The following ST8SIA2 variants were observed in gnomAD, a reference collection of about 807,000 sequenced individuals.
ST8SIA2 encodes ST8 alpha-N-acetyl-neuraminide alpha-2,8-sialyltransferase 2, also known as alpha-2,8-sialyltransferase 8B.
A neutral mutation model predicts 37.6 loss-of-function variants in ST8SIA2; 22 were observed. The ratio of observed to expected loss-of-function variants is 0.58; its 90% confidence interval spans 0.42 to 0.83. The LOEUF (loss-of-function observed/expected upper bound fraction) is 0.83, where lower values mean the gene tolerates loss of function less well. ST8SIA2 is among the 40% of genes least tolerant of loss of function. The pLI, the probability that ST8SIA2 is intolerant of heterozygous loss-of-function variation, is 0.00. For missense variants in ST8SIA2, 382 were observed against 484.7 expected, an observed-to-expected ratio of 0.79 and a Z score of 1.99; for synonymous variants, 205 against 201.2, an observed-to-expected ratio of 1.02 and a Z score of -0.16.
chr15:92,445,896 G>A (rs2049839031), intron 5 of ST8SIA2, among the ~76,000 whole-genome samples: 1 of 152,126 alleles, frequency 6.6e-6, no homozygotes, highest in African/African-American at 2.4e-5. Flanking sequence ...CCATTCATGT[G>A]ACCTGGCATA....
intron 5 of ST8SIA2, among the ~76,000 whole-genome samples, chr15:92,452,646 G>T (rs549453567): frequency 6.6e-6 from 1 of 152,336 alleles, no homozygotes; most frequent in Admixed American, 6.5e-5. Flanking sequence ...CTGTTCTGAT[G>T]TTCCTTTGTG....
In ST8SIA2 at chr15:92,440,051, A is replaced by G. The variant is rs113626653; in HGVS notation, c.548+1441A>G. On this transcript the variant is annotated intron_variant, in intron 4 of 5. Coordinates refer to ENST00000268164, the MANE Select transcript of ST8SIA2 (RefSeq NM_006011.4). ...ACAGTGAGCTTTACACATCCCATGA[A>G]GTCCTGACCCAGGAATTTTGAGAGG... Among the ~76,000 whole-genome samples the G allele has an allele frequency of 5.0e-3, 766 of 152,294 alleles. 6 individuals carry two copies. Among genetic ancestry groups the G allele is most frequent in the African/African-American group, 0.017 (726 of 41,552 alleles).
chr15:92,445,790 A>C (rs1222370444), intron 5 of ST8SIA2, among the ~76,000 whole-genome samples: 2 of 152,192 alleles, frequency 1.3e-5, no homozygotes. Flanking sequence ...GAGGGTCTGA[A>C]CTATTCCTAT....
intron 1 of ST8SIA2, among the ~76,000 whole-genome samples, chr15:92,407,980 C>T (rs1172740590): frequency 6.6e-6 from 1 of 152,102 alleles, no homozygotes; most frequent in Non-Finnish European, 1.5e-5. Context: ...CAATGACATC[C>T]CAGCCTTTCT....
chr15:92,449,712 TATC>T (rs2049868463), intron 5 of ST8SIA2, among the ~76,000 whole-genome samples: 1 of 152,246 alleles, frequency 6.6e-6, no homozygotes, highest in Non-Finnish European at 1.5e-5. Context: ...TATAAGATGG[TATC>T]TCGTTGTGGT....
chr15:92,460,761 CCCACCTATCTGTT>C lies in ST8SIA2; in HGVS notation c.843-3338_843-3326del, dbSNP rs2049951670. On this transcript the variant is annotated intron_variant, in intron 5 of 5. Coordinates refer to ENST00000268164, the MANE Select transcript of ST8SIA2 (RefSeq NM_006011.4). ...ATTAGACCAACCACATTCCTAGCCA[CCCACCTATCTGTT>C]GGGTCTGCTTCATGAAGGTGAAAGA... is the stretch of plus-strand genomic sequence containing the variant. Among the ~76,000 whole-genome samples, 9 of 152,328 alleles carry C rather than the reference CCCACCTATCTGTT, an allele frequency of 5.9e-5. No homozygotes were observed. The South Asian group carries it at 1.9e-3, about 32-fold the overall frequency.
chr15:92,425,661 C>T (rs781164225), intron 1 of ST8SIA2, among the ~76,000 whole-genome samples: 1 of 152,118 alleles, frequency 6.6e-6, no homozygotes, highest in Non-Finnish European at 1.5e-5. Flanking sequence ...TGGTAAGAGC[C>T]TTTATTGTGG....
In ST8SIA2 at chr15:92,431,241, G is replaced by A. The variant is rs528183799; in HGVS notation, c.161+1130G>A. Among the ~76,000 whole-genome samples the A allele has an allele frequency of 6.8e-4, 103 of 152,228 alleles. 1 individual carries two copies. The highest frequency in any genetic ancestry group is 1.0e-3 in the South Asian group (5 of 4,818). ...CCCAAGTCCTCGTGGTAGCTTGAGG[G>A]GCCACAGTCTCATATGAATCAAGTA... On this transcript the variant is annotated intron_variant, in intron 2 of 5. Transcript: ENST00000268164.
intron 1 of ST8SIA2, among the ~76,000 whole-genome samples, chr15:92,419,925 G>A (rs1250335449): frequency 3.3e-5 from 5 of 152,202 alleles, no homozygotes; most frequent in African/African-American, 1.2e-4. Context: ...GAGTGCAGTG[G>A]CGCGATCTCG....
intron 5 of ST8SIA2, among the ~76,000 whole-genome samples, chr15:92,458,627 A>G (rs2049935943): frequency 6.6e-6 from 1 of 152,210 alleles, no homozygotes; most frequent in African/African-American, 2.4e-5. Context: ...CCCTCAGCAC[A>G]GAGGCAGCAG....
chr15:92,434,299 A>G lies in ST8SIA2; in HGVS notation c.214A>G (p.Asn72Asp), dbSNP rs1266274915. Residue 72 changes from asparagine (N) to aspartate (D), a missense_variant, in exon 3 of 6, where the codon AAT (asparagine) becomes GAT (aspartate). Transcript: ENST00000268164. The stretch of plus-strand genomic sequence containing the variant: ...ATCACCAGCTGTTGTTGACAGAAGT[A>G]ATGAAAGCATCAAGCACAACATCCA... ...SSSPAVVDRS[N>D]ESIKHNIQPA... 16 of 1,614,132 alleles carry G rather than the reference A, an allele frequency of 9.9e-6. No individual in the cohort carries two copies. The East Asian group carries it at 1.6e-4, about 16-fold the overall frequency.
At chr15:92,418,437 G>GGGTGA (rs2049604442) in intron 1 of ST8SIA2, among the ~76,000 whole-genome samples, 1 of 145,594 alleles carries the variant, frequency 6.9e-6, no homozygotes, top group South Asian at 2.2e-4. Context: ...ACTCTAGTCT[G>GGGTGA]GGCGACAGGA....
intron 1 of ST8SIA2, among the ~76,000 whole-genome samples, chr15:92,398,312 G>T (rs553766023): frequency 2.2e-4 from 33 of 152,312 alleles, no homozygotes; most frequent in Admixed American, 1.6e-3. Flanking sequence ...GGCAGAGCAG[G>T]CTTGCACAGG....
At chr15:92,412,266 T>G (rs1315981430) in intron 1 of ST8SIA2, among the ~76,000 whole-genome samples, 2 of 144,714 alleles carry the variant, frequency 1.4e-5, no homozygotes, top group African/African-American at 2.6e-5. Context: ...ACTAAAGAAA[T>G]GAGAGGAGGG....
rs1479572197 is a variant in ST8SIA2 at position 92,394,082 on chromosome 15, G to A, written c.18G>A (p.Arg6=). The change falls in exon 1 of 6, where the codon CGG becomes CGA. Residue 6 remains arginine (R), a synonymous_variant. Transcript: ENST00000268164. MQLQF[R]SWMLAALTLL... Reference sequence around the variant, plus strand: ...AACCCACCATGCAGCTGCAGTTCCGGAGCTGGATGCTGGCCGCGCTCACGC... The same window carrying A: ...AACCCACCATGCAGCTGCAGTTCCGAAGCTGGATGCTGGCCGCGCTCACGC... The A allele has an allele frequency of 6.4e-7, 1 of 1,554,630 alleles. No individual in the cohort carries two copies.
At chr15:92,402,971 G>A (rs2049482450) in intron 1 of ST8SIA2, among the ~76,000 whole-genome samples, 1 of 152,184 alleles carries the variant, frequency 6.6e-6, no homozygotes, top group Non-Finnish European at 1.5e-5. Context: ...AGCTTCCCCA[G>A]GTCAGTGGAG....
chr15:92,440,808 T>TA (rs1193383855), intron 4 of ST8SIA2, among the ~76,000 whole-genome samples: 1 of 152,198 alleles, frequency 6.6e-6, no homozygotes, highest in Non-Finnish European at 1.5e-5. Flanking sequence ...AGCCCCACAC[T>TA]AACAGTAAAG....
intron 5 of ST8SIA2, among the ~76,000 whole-genome samples, chr15:92,458,303 C>T (rs2049933592): frequency 6.6e-6 from 1 of 152,172 alleles, no homozygotes; most frequent in Admixed American, 6.5e-5. Flanking sequence ...AGTGGGAGAG[C>T]CTGCTCTTGA....
intron 1 of ST8SIA2, among the ~76,000 whole-genome samples, chr15:92,397,081 C>G (rs1197809210): frequency 6.6e-6 from 1 of 152,156 alleles, no homozygotes; most frequent in African/African-American, 2.4e-5. Context: ...AAAAGGATGG[C>G]TGTTTCTGGA....
Sources: allele counts gnomAD v4.1 joint callset (sites outside exome capture counted in the v4.1 genomes callset), GRCh38; gene constraint gnomAD v4.1.1; transcripts MANE v1.5; gene names NCBI Gene and HGNC (gene_info 2026-07-23, HGNC 2026-07-21).